The following ZNF521 variants were observed in gnomAD, a reference collection of about 807,000 sequenced individuals.
The protein encoded by ZNF521 is zinc finger protein 521.
A neutral mutation model predicts 105.5 loss-of-function variants in ZNF521; 14 were observed. That is an observed-to-expected ratio of 0.13 (90% CI 0.09 to 0.21). The LOEUF (loss-of-function observed/expected upper bound fraction) is 0.21. ZNF521 is among the 10% of genes least tolerant of loss of function. The pLI is 1.00. For synonymous variants in ZNF521, 635 were observed against 606.0 expected (o/e 1.05, Z -0.70); for missense variants, 1,233 against 1,629.7 (o/e 0.76, Z 4.19).
chr18:25,259,391 A>C (rs1908748717), intron 3 of ZNF521, among the ~76,000 whole-genome samples: 1 of 152,138 alleles, frequency 6.6e-6, no homozygotes, highest in Non-Finnish European at 1.5e-5. Context: ...AAACCTTCTT[A>C]AGACTGAGTT....
At chr18:25,190,897 G>A (rs985554587) in intron 5 of ZNF521, among the ~76,000 whole-genome samples, 14 of 152,116 alleles carry the variant, frequency 9.2e-5, no homozygotes, top group Admixed American at 2.0e-4. Context: ...TTTGAAAATC[G>A]TGATTATCTA....
chr18:25,249,837 C>T (rs1376586527), intron 3 of ZNF521, among the ~76,000 whole-genome samples: 3 of 152,200 alleles, frequency 2.0e-5, no homozygotes, highest in African/African-American at 4.8e-5. Flanking sequence ...TAAAATATTA[C>T]ACTTGCAGGG....
At chr18:25,138,969 G>C (rs1356938339) in intron 5 of ZNF521, among the ~76,000 whole-genome samples, 4 of 152,146 alleles carry the variant, frequency 2.6e-5, no homozygotes, top group African/African-American at 9.7e-5. Flanking sequence ...TTAGCTGCTG[G>C]GATATTTTTC....
rs1914820329 is a variant in ZNF521, at chr18:25,352,056, A to C, written c.-53T>G. The C allele has an allele frequency of 4.0e-6, 2 of 497,978 alleles. No homozygotes were observed. The highest frequency in any genetic ancestry group is 4.0e-5 in the Admixed American group (2 of 49,610). 30.8% of individuals were successfully genotyped at this position (497,978 alleles called of 1,614,324 possible). ...CTCCGGTAGTCCACATAATAATGGAAAATGGAAGCAAGGCCCCCAAAGCCA... is the reference window on the plus strand; with the variant it reads ...CTCCGGTAGTCCACATAATAATGGACAATGGAAGCAAGGCCCCCAAAGCCA... On this transcript the variant is annotated 5_prime_UTR_variant, in exon 1 of 8. Transcript: ENST00000361524.
At chr18:25,297,587 G>T (rs1456497982) in intron 3 of ZNF521, among the ~76,000 whole-genome samples, 2 of 152,034 alleles carry the variant, frequency 1.3e-5, no homozygotes, top group African/African-American at 4.8e-5. Context: ...TAACAATATC[G>T]TAATACTATG....
rs1458623211 is a variant in ZNF521, at chr18:25,312,608, C to A, written c.220+9400G>T. 2.8e-5 allele frequency among the ~76,000 whole-genome samples: 3 copies of A among 105,430 alleles called. 1 individual carries two copies. The allele number at this position is 105,430 out of a possible 152,430, so 69.2% of individuals were successfully genotyped here. On this transcript the variant is annotated intron_variant, in intron 3 of 7. Transcript: ENST00000361524. ...CGGGTGGATCATGAGGTCAGGAGAT[C>A]GAGACCATCCTGGCTAACAAGGTGA...
In ZNF521 at chr18:25,296,339, C is replaced by T. The variant is rs376092325; in HGVS notation, c.220+25669G>A. Among the ~76,000 whole-genome samples, 214 of 152,278 alleles carry T rather than the reference C, an allele frequency of 1.4e-3. 1 individual carries two copies. The highest frequency in any genetic ancestry group is 5.0e-3 in the African/African-American group (206 of 41,560). Reference sequence around the variant, plus strand: ...TTTTTTATTTAGTAATACTATAGCACTTGAATCCTTCTATCTAGAGATACT... The same window carrying T: ...TTTTTTATTTAGTAATACTATAGCATTTGAATCCTTCTATCTAGAGATACT... On this transcript the variant is annotated intron_variant, in intron 3 of 7. Coordinates refer to ENST00000361524, the MANE Select transcript of ZNF521 (RefSeq NM_015461.3).
chr18:25,137,560 G>C (rs1302106314), intron 5 of ZNF521, among the ~76,000 whole-genome samples: 1 of 152,130 alleles, frequency 6.6e-6, no homozygotes, highest in African/African-American at 2.4e-5. Flanking sequence ...ATGGAGTCCA[G>C]TGCAGCTGAC....
At chr18:25,070,771 A>G (rs1317786287) in intron 7 of ZNF521, among the ~76,000 whole-genome samples, 2 of 152,076 alleles carry the variant, frequency 1.3e-5, no homozygotes, top group Non-Finnish European at 2.9e-5. Context: ...GGTGGGAAGC[A>G]TCTCTCCCAC....
intron 3 of ZNF521, among the ~76,000 whole-genome samples, chr18:25,300,562 C>T (rs1911581559): frequency 6.6e-6 from 1 of 151,286 alleles, no homozygotes; most frequent in South Asian, 2.1e-4. Flanking sequence ...TTAGAAAGAT[C>T]ATAGAGTGTC....
intron 2 of ZNF521, among the ~76,000 whole-genome samples, chr18:25,340,149 G>A (rs1022968026): frequency 6.6e-6 from 1 of 152,122 alleles, no homozygotes; most frequent in Admixed American, 6.5e-5. Context: ...GAGGTCAAGA[G>A]TTTGAGACCA....
chr18:25,271,941 C>T (rs929154609), intron 3 of ZNF521, among the ~76,000 whole-genome samples: 1 of 152,150 alleles, frequency 6.6e-6, no homozygotes, highest in African/African-American at 2.4e-5. Context: ...AGAGCTTCTG[C>T]AATCCAATAG....
At chr18:25,188,467 A>ATG (rs147588543) in intron 5 of ZNF521, among the ~76,000 whole-genome samples, 6 of 152,186 alleles carry the variant, frequency 3.9e-5, no homozygotes, top group South Asian at 4.1e-4. Flanking sequence ...ATAGGTCACG[A>ATG]TGTGTGTGTG....
At chr18:25,156,057 GTGTAC>G (rs2035137999) in intron 5 of ZNF521, among the ~76,000 whole-genome samples, 1 of 152,178 alleles carries the variant, frequency 6.6e-6, no homozygotes, top group South Asian at 2.1e-4. Flanking sequence ...GTTAGTGATA[GTGTAC>G]TGTACTCAGA....
chr18:25,222,494 T>C (rs1905792620), intron 4 of ZNF521, among the ~76,000 whole-genome samples: 1 of 152,146 alleles, frequency 6.6e-6, no homozygotes, highest in African/African-American at 2.4e-5. Context: ...TCATAAACAA[T>C]CTACTAAGAA....
At chr18:25,162,046 C>T (rs1461102800) in intron 5 of ZNF521, among the ~76,000 whole-genome samples, 1 of 152,112 alleles carries the variant, frequency 6.6e-6, no homozygotes, top group South Asian at 2.1e-4. Context: ...TTTAAATCTC[C>T]TCTGTGACTC....
At position 25,254,063 on chromosome 18, in the gene ZNF521, A is replaced by G. The variant is rs9953489; in HGVS notation, c.221-26366T>C. 4.0e-3 allele frequency among the ~76,000 whole-genome samples: 605 copies of G among 152,262 alleles called. 8 individuals are homozygous for G. Among genetic ancestry groups the G allele is most frequent in the African/African-American group, 0.014 (582 of 41,574 alleles). On this transcript the variant is annotated intron_variant, in intron 3 of 7. Transcript: ENST00000361524. ...CATCAGAAACCAACTTGTCCAGCAC[A>G]TTGTTATTCAGCCCAGAGAAATTAA...
At chr18:25,140,215 T>C (rs1269553334) in intron 5 of ZNF521, among the ~76,000 whole-genome samples, 1 of 152,138 alleles carries the variant, frequency 6.6e-6, no homozygotes, top group Non-Finnish European at 1.5e-5. Context: ...GAAAAGGCAG[T>C]CCCTTCTTAG....
chr18:25,193,828 T>C (rs2035857862), intron 5 of ZNF521, among the ~76,000 whole-genome samples: 1 of 151,884 alleles, frequency 6.6e-6, no homozygotes, highest in African/African-American at 2.4e-5. Flanking sequence ...ATCTGGAAAA[T>C]ACAGAGATGA....
Sources: gnomAD v4.1 joint callset for allele counts (sites outside exome capture counted in the v4.1 genomes callset) on GRCh38, gnomAD v4.1.1 for gene constraint, MANE v1.5 for transcripts, NCBI Gene and HGNC (gene_info 2026-07-23, HGNC 2026-07-21) for gene names.